The following FLVCR2 variants were observed in gnomAD, a reference collection of about 807,000 sequenced individuals.
The protein encoded by FLVCR2 is FLVCR choline and putative heme transporter 2.
Under a neutral mutation model 48.9 loss-of-function variants are expected in FLVCR2, and 38 were observed. The ratio of observed to expected loss-of-function variants is 0.78; its 90% CI spans 0.60 to 1.02. FLVCR2 has a LOEUF of 1.02. Among genes scored for constraint, FLVCR2 ranks in the 50% least tolerant of loss-of-function variants. The pLI is 0.00. For synonymous variants in FLVCR2, 255 were observed against 257.0 expected (o/e 0.99, Z 0.07); for missense variants, 664 against 663.3 (o/e 1.00, Z -0.01).
intron 3 of FLVCR2, among the ~76,000 whole-genome samples, chr14:75,625,181 G>A (rs986306823): frequency 6.6e-6 from 1 of 151,976 alleles, no homozygotes; most frequent in Non-Finnish European, 1.5e-5. Flanking sequence ...GTCGGGCCTC[G>A]AGTGACTATT....
chr14:75,646,387 GT>G lies in FLVCR2; in HGVS notation c.1510-10del. 6.2e-7 allele frequency: 1 copy of G among 1,609,810 alleles called. No individual in the cohort carries two copies. The highest frequency in any genetic ancestry group is 8.5e-7 in the Non-Finnish European group (1 of 1,176,330). On this transcript the variant is annotated splice_polypyrimidine_tract_variant and intron_variant, in intron 9 of 9. Transcript: ENST00000238667. ...CCTTTACCCACAGCACTGCCTGTTTGTTTTGCTTTATAGAAACTCCAAGAGG... is the reference window on the plus strand; with the variant it reads ...CCTTTACCCACAGCACTGCCTGTTTGTTTGCTTTATAGAAACTCCAAGAGG...
At chr14:75,643,713 T>C (rs1454643530) in intron 9 of FLVCR2, among the ~76,000 whole-genome samples, 5 of 152,162 alleles carry the variant, frequency 3.3e-5, no homozygotes, top group Admixed American at 2.0e-4. Flanking sequence ...ATTCTTTAAT[T>C]CTGTGTCAGG....
chr14:75,617,335 C>T (rs374439765), intron 1 of FLVCR2, among the ~76,000 whole-genome samples: 158 of 152,252 alleles, frequency 1.0e-3, no homozygotes, highest in African/African-American at 2.9e-3. Flanking sequence ...GCTCTGGAAA[C>T]GTTCCTGATT....
At chr14:75,591,428 G>C (rs149368889) in intron 1 of FLVCR2, among the ~76,000 whole-genome samples, 2 of 152,340 alleles carry the variant, frequency 1.3e-5, no homozygotes, top group Non-Finnish European at 2.9e-5. Flanking sequence ...GCCAGGAGGG[G>C]GTTCCCAATG....
intron 5 of FLVCR2, 128 bp downstream of exon 5, chr14:75,635,141 T>G: frequency 1.4e-6 from 1 of 714,208 alleles, no homozygotes; most frequent in African/African-American, 1.7e-5. Context: ...CAAGTTTGAC[T>G]TCTCTGAGCC....
At chr14:75,618,426 T>C (rs1053668401) in intron 1 of FLVCR2, among the ~76,000 whole-genome samples, 6 of 152,214 alleles carry the variant, frequency 3.9e-5, no homozygotes, top group Non-Finnish European at 8.8e-5. Flanking sequence ...TTTTGAAAAG[T>C]ATGTTCCAGA....
chr14:75,633,404 G>T (rs1311178476), intron 3 of FLVCR2, among the ~76,000 whole-genome samples: 1 of 152,186 alleles, frequency 6.6e-6, no homozygotes, highest in African/African-American at 2.4e-5. Context: ...AATAGTGTGT[G>T]GCTAAGGGAA....
At position 75,641,049 on chromosome 14, in the gene FLVCR2, A is replaced by T. The variant is rs757452197; in HGVS notation, c.1330A>T (p.Ile444Leu). 5 of 1,612,948 alleles carry T rather than the reference A, an allele frequency of 3.1e-6. No individual in the cohort carries two copies. The Admixed American group carries it at 8.3e-5, about 27-fold the overall frequency. The change falls in exon 7 of 10, where the codon ATA becomes TTA. Residue 444 changes from isoleucine to leucine, a missense_variant. By Grantham distance (5) the Ile-to-Leu change is conservative. Coordinates refer to ENST00000238667, the MANE Select transcript of FLVCR2 (RefSeq NM_017791.3). ...AGGCATCTCCTCCGGCCTCCTCAACATATCTGCACAGGTAGAGCTCGTATT... is the reference window on the plus strand; with the variant it reads ...AGGCATCTCCTCCGGCCTCCTCAACTTATCTGCACAGGTAGAGCTCGTATT... ...SEGISSGLLN[I>L]SAQVFGIIFT...
chr14:75,637,283 T>A (rs1890188603), intron 5 of FLVCR2, among the ~76,000 whole-genome samples: 1 of 152,200 alleles, frequency 6.6e-6, no homozygotes, highest in African/African-American at 2.4e-5. Context: ...AGGATTTTTG[T>A]AAAGGTTGAA....
chr14:75,618,671 C>T (rs1295182904), intron 1 of FLVCR2, among the ~76,000 whole-genome samples: 4 of 152,224 alleles, frequency 2.6e-5, no homozygotes, highest in African/African-American at 9.6e-5. Flanking sequence ...ATTCAGGCCC[C>T]AGGTCTCTGA....
intron 1 of FLVCR2, among the ~76,000 whole-genome samples, chr14:75,616,337 A>AT (rs920327259): frequency 2.6e-5 from 4 of 151,388 alleles, no homozygotes; most frequent in East Asian, 1.9e-4. Flanking sequence ...AAAAAAAAAA[A>AT]TTTTTTTTAA....
chr14:75,599,701 G>A (rs1415834755), intron 1 of FLVCR2, among the ~76,000 whole-genome samples: 1 of 152,086 alleles, frequency 6.6e-6, no homozygotes, highest in Non-Finnish European at 1.5e-5. Flanking sequence ...TTCTGATGTC[G>A]GAACTTACTA....
At chr14:75,610,993 T>A (rs1181967805) in intron 1 of FLVCR2, among the ~76,000 whole-genome samples, 1 of 152,204 alleles carries the variant, frequency 6.6e-6, no homozygotes, top group Non-Finnish European at 1.5e-5. Flanking sequence ...CAGAAAATAT[T>A]TCCTGAGTGC....
At chr14:75,626,987 C>G (rs1889915010) in intron 3 of FLVCR2, among the ~76,000 whole-genome samples, 1 of 151,884 alleles carries the variant, frequency 6.6e-6, no homozygotes, top group Admixed American at 6.5e-5. Context: ...AGGCTGTGGT[C>G]CTCAGTGCTG....
At chr14:75,642,274 G>A (rs893754006) in intron 9 of FLVCR2, among the ~76,000 whole-genome samples, 1 of 152,162 alleles carries the variant, frequency 6.6e-6, no homozygotes, top group African/African-American at 2.4e-5. Flanking sequence ...GGGAGGAAGG[G>A]GAAGCCTGGC....
At chr14:75,583,925 T>C (rs552657550) in intron 1 of FLVCR2, among the ~76,000 whole-genome samples, 20 of 152,272 alleles carry the variant, frequency 1.3e-4, no homozygotes, top group African/African-American at 4.6e-4. Flanking sequence ...TCCGAGGCGA[T>C]TGGGCAGCGT....
At chr14:75,610,919 A>G (rs554674422) in intron 1 of FLVCR2, among the ~76,000 whole-genome samples, 4 of 152,350 alleles carry the variant, frequency 2.6e-5, no homozygotes, top group East Asian at 3.9e-4. Flanking sequence ...TGTTTACTGC[A>G]GAGCAGCCTG....
At position 75,624,700 on chromosome 14, in the gene FLVCR2, C is replaced by T; in HGVS notation, c.900C>T (p.Ser300=). The T allele has an allele frequency of 6.2e-7, 1 of 1,614,176 alleles. No individual in the cohort carries two copies. The highest frequency in any genetic ancestry group is 8.5e-7 in the Non-Finnish European group (1 of 1,180,036). Residue 300 remains serine (S), a synonymous_variant, in exon 3 of 10, where the codon TCC becomes TCT. Coordinates refer to ENST00000238667, the MANE Select transcript of FLVCR2 (RefSeq NM_017791.3). ...LTSPDASYLG[S]IARLFKNLNF... ...CTCCTGATGCCTCATACTTAGGTTC[C>T]ATCGCCCGGCTCTTCAAAAATCTCA...
chr14:75,596,022 G>A (rs1889010127), intron 1 of FLVCR2: 1 of 1,404,554 alleles, frequency 7.1e-7, no homozygotes, highest in Non-Finnish European at 1.0e-6. Flanking sequence ...ACCAAAATGA[G>A]TTTTGAATGC....
Sources: gnomAD v4.1 joint callset for allele counts (sites outside exome capture counted in the v4.1 genomes callset) on GRCh38, gnomAD v4.1.1 for gene constraint, MANE v1.5 for transcripts, NCBI Gene and HGNC (gene_info 2026-07-23, HGNC 2026-07-21) for gene names.